The following GRSF1 variants were observed in gnomAD, a reference collection of about 807,000 sequenced individuals.
GRSF1 encodes the protein G-rich sequence factor 1.
In GRSF1, 50 loss-of-function variants were observed where a neutral mutation model predicts 51.1. That is an observed-to-expected ratio of 0.98 (90% CI 0.78 to 1.24). The LOEUF (loss-of-function observed/expected upper bound fraction) is 1.24, where lower values mean the gene tolerates loss of function less well. Among genes scored for constraint, GRSF1 ranks in the 50% most tolerant of loss-of-function variants. GRSF1 has a pLI of 0.00. For synonymous variants in GRSF1, 293 were observed against 253.3 expected (o/e 1.16, Z -1.49); for missense variants, 700 against 639.7 (o/e 1.09, Z -1.02).
chr4:70,830,661 A>C (rs982647528), intron 5 of GRSF1, among the ~76,000 whole-genome samples: 4 of 151,970 alleles, frequency 2.6e-5, no homozygotes, highest in African/African-American at 9.7e-5. Context: ...TCTACTAAAA[A>C]TACAAAACTT....
intron 3 of GRSF1, 38 bp downstream of exon 3, chr4:70,833,080 G>A: frequency 6.3e-7 from 1 of 1,585,370 alleles, no homozygotes; most frequent in South Asian, 1.1e-5. Flanking sequence ...AAAACCTAAT[G>A]CAATGATCCC....
At chr4:70,837,356 A>C (rs1017918429) in intron 1 of GRSF1, among the ~76,000 whole-genome samples, 1 of 151,992 alleles carries the variant, frequency 6.6e-6, no homozygotes, top group Non-Finnish European at 1.5e-5. Context: ...CGAGGTCAGG[A>C]GTTCAAGACC....
In GRSF1 at chr4:70,828,032, T is replaced by C. The variant is rs1733804783; in HGVS notation, c.955A>G (p.Ile319Val). The change falls in exon 6 of 10, where the codon ATC becomes GTC. Residue 319 changes from isoleucine to valine, a missense_variant. By Grantham distance (29) the Ile-to-Val change is conservative (BLOSUM62 3). Transcript: ENST00000254799. ...TTCCTTCTGCTTGGAAATATCTCGA[T>C]GTATCTATGTCAAAGCAAAAGTAAA... ...KHREEIGNRYIEIFPSRRNEV... is the reference protein window; with the variant it reads ...KHREEIGNRYVEIFPSRRNEV... 1.9e-6 allele frequency: 3 copies of C among 1,612,398 alleles called. No homozygotes were observed. The highest frequency in any genetic ancestry group is 1.7e-4 in the Middle Eastern group (1 of 6,046).
rs2148844339 is a variant in GRSF1, at chr4:70,833,195, A to G, written c.593T>C (p.Ile198Thr). 1.2e-6 allele frequency: 2 copies of G among 1,613,886 alleles called. No individual in the cohort carries two copies. The highest frequency in any genetic ancestry group is 8.5e-7 in the Non-Finnish European group (1 of 1,179,792). Reference protein sequence around the residue: ...RDGKRRGDALIEMESEQDVQK... With the variant: ...RDGKRRGDALTEMESEQDVQK... Reference sequence around the variant, plus strand: ...CACATCCTGCTCTGACTCCATTTCAATTAAGGCATCACCCCTTCGTTTCCC... The same window carrying G: ...CACATCCTGCTCTGACTCCATTTCAGTTAAGGCATCACCCCTTCGTTTCCC... The change falls in exon 3 of 10, where the codon ATT (isoleucine) becomes ACT (threonine). Residue 198 changes from isoleucine (I) to threonine (T), a missense_variant. By Grantham distance (89) the Ile-to-Thr change is moderately conservative (BLOSUM62 -1). Coordinates refer to ENST00000254799, the MANE Select transcript of GRSF1 (RefSeq NM_002092.4).
intron 5 of GRSF1, among the ~76,000 whole-genome samples, chr4:70,829,400 A>G (rs1048158980): frequency 1.1e-4 from 16 of 151,838 alleles, no homozygotes; most frequent in Non-Finnish European, 1.5e-5. Flanking sequence ...TCACACCTAT[A>G]ATCCCAGTAC....
In GRSF1 at chr4:70,825,568, G is replaced by T. The variant is rs183345000; in HGVS notation, c.1258-137C>A. On this transcript the variant is annotated intron_variant, in intron 7 of 9. Coordinates refer to ENST00000254799, the MANE Select transcript of GRSF1 (RefSeq NM_002092.4). ...TCTTTTTAGGAAATCTTTTTAAGCA[G>T]TAATATATTTATATATCTAGTATGT... The T allele has an allele frequency of 1.4e-5, 8 of 562,822 alleles. No individual in the cohort carries two copies. The East Asian group carries it at 2.3e-4, about 16-fold the overall frequency. The allele number at this position is 562,822 out of a possible 1,614,324, so 34.9% of individuals were successfully genotyped here.
At chr4:70,836,804 G>A (rs1203471661) in intron 1 of GRSF1, among the ~76,000 whole-genome samples, 3 of 152,184 alleles carry the variant, frequency 2.0e-5, no homozygotes, top group African/African-American at 4.8e-5. Flanking sequence ...GGGCCTTGAA[G>A]GAAGGATAGA....
Position 70,825,395 on chromosome 4 carries a change from C to A in GRSF1, c.1294G>T (p.Glu432Ter). The change falls in exon 8 of 10, where the codon GAA (glutamate) becomes TAA (stop). Residue 432 changes from glutamate to a stop codon, truncating the protein, a stop_gained. Coordinates refer to ENST00000254799, the MANE Select transcript of GRSF1 (RefSeq NM_002092.4). LOFTEE classifies it high-confidence loss of function. Reference protein sequence around the residue: ...APLKPVRITMEYSSSGKATGE... With the variant: ...APLKPVRITM ...GTGGCCTTCCCACTGGAGCTGTATTCCATGGTGATTCTAACAGGCTTGAGT... is the reference window on the plus strand; with the variant it reads ...GTGGCCTTCCCACTGGAGCTGTATTACATGGTGATTCTAACAGGCTTGAGT... The A allele has an allele frequency of 6.2e-7, 1 of 1,611,660 alleles. No individual in the cohort carries two copies. The highest frequency in any genetic ancestry group is 8.5e-7 in the Non-Finnish European group (1 of 1,178,500).
chr4:70,831,764 CT>C, intron 4 of GRSF1, 90 bp from the exon 5 acceptor site: 1 of 1,225,626 alleles, frequency 8.2e-7, no homozygotes, highest in Non-Finnish European at 1.1e-6. Context: ...AATTTTTATT[CT>C]GTTTTGCCAG....
chr4:70,822,564 A>G (rs1733560641), intron 9 of GRSF1, among the ~76,000 whole-genome samples: 1 of 149,226 alleles, frequency 6.7e-6, no homozygotes, highest in African/African-American at 2.5e-5. Context: ...CCCTGGGCAA[A>G]AAGAGTGAGA....
chr4:70,826,170 T>G lies in GRSF1; in HGVS notation c.1211A>C (p.His404Pro). 1 of 1,611,752 alleles carries G rather than the reference T, an allele frequency of 6.2e-7. No homozygotes were observed. The highest frequency in any genetic ancestry group is 8.5e-7 in the Non-Finnish European group (1 of 1,178,428). Reference sequence around the variant, plus strand: ...GGCTTGGAAAGGTAATCCTCTCATGTGGACAAAATGCAGAGAAGACGTAGT... The same window carrying G: ...GGCTTGGAAAGGTAATCCTCTCATGGGGACAAAATGCAGAGAAGACGTAGT... ...FGTTSSLHFV[H>P]MRGLPFQANA... Residue 404 changes from histidine (H) to proline (P), a missense_variant, in exon 7 of 10, where the codon CAC (histidine) becomes CCC (proline). His to Pro is a moderately conservative substitution (Grantham distance 77). Coordinates refer to ENST00000254799, the MANE Select transcript of GRSF1 (RefSeq NM_002092.4).
intron 9 of GRSF1, among the ~76,000 whole-genome samples, chr4:70,822,305 G>A (rs1046343473): frequency 6.6e-6 from 1 of 152,074 alleles, no homozygotes; most frequent in Non-Finnish European, 1.5e-5. Context: ...GAAAATGGCT[G>A]GGCGTGGTGG....
At chr4:70,827,224 C>A (rs951186589) in intron 6 of GRSF1, among the ~76,000 whole-genome samples, 31 of 151,338 alleles carry the variant, frequency 2.0e-4, no homozygotes, top group South Asian at 8.4e-4. Flanking sequence ...GGAGGCGGAA[C>A]CTGCAGTGAG....
rs1203924236 is a variant in GRSF1, at chr4:70,816,395, C to T, written c.*4492G>A. 1 of 147,418 alleles carries T rather than the reference C, an allele frequency of 6.8e-6. No homozygotes were observed. The highest frequency in any genetic ancestry group is 2.0e-4 in the East Asian group (1 of 4,954). 9.1% of individuals were successfully genotyped at this position (147,418 alleles called of 1,614,324 possible). A position where few individuals can be genotyped will look rare whatever the true frequency, so the allele number is the denominator to read the frequency against. On this transcript the variant is annotated 3_prime_UTR_variant, in exon 10 of 10. Coordinates refer to ENST00000254799, the MANE Select transcript of GRSF1 (RefSeq NM_002092.4). ...AAACCTCATCAAATGATACACTTAA[C>T]ATTTATTCACCTTACTGCAAATCTC...
chr4:70,838,497 T>C (rs1001538830), intron 1 of GRSF1, among the ~76,000 whole-genome samples: 5 of 152,308 alleles, frequency 3.3e-5, no homozygotes, highest in South Asian at 2.1e-4. Context: ...GCTCAGCCAC[T>C]GGCAGACAGC....
Position 70,839,551 on chromosome 4 carries a change from ACGCGGCGGCCGCGGC to A in GRSF1, c.262_276del (p.Ala88_Ala92del). On this transcript the variant is annotated inframe_deletion, in exon 1 of 10. Transcript: ENST00000254799. Reference sequence around the variant, plus strand: ...AGAGAGGCACGGAGGGCAGAGTAGGACGCGGCGGCCGCGGCCGCGGCAGAGGTGGCCACAGCGGGA... The same window carrying A: ...AGAGAGGCACGGAGGGCAGAGTAGGACGCGGCAGAGGTGGCCACAGCGGGA... 1 of 1,426,330 alleles carries A rather than the reference ACGCGGCGGCCGCGGC, an allele frequency of 7.0e-7. No individual in the cohort carries two copies. Among genetic ancestry groups the A allele is most frequent in the Non-Finnish European group, 9.1e-7 (1 of 1,092,996 alleles). The allele number at this position is 1,426,330 out of a possible 1,614,324, so 88.4% of individuals were successfully genotyped here.
rs1410384439 is a variant in GRSF1, at chr4:70,839,806, G to A, written c.22C>T (p.Leu8Phe). The change falls in exon 1 of 10, where the codon CTC becomes TTC. Residue 8 changes from leucine to phenylalanine, a missense_variant. Coordinates refer to ENST00000254799, the MANE Select transcript of GRSF1 (RefSeq NM_002092.4). The stretch of plus-strand genomic sequence containing the variant: ...CCGCAGCCCCGGAGCAGCGCCCCGA[G>A]TACCCAGCGCGTGCCGGCCATGGAC... Reference protein sequence around the residue: MAGTRWVLGALLRGCGCN... With the variant: MAGTRWVFGALLRGCGCN... 2 of 1,502,364 alleles carry A rather than the reference G, an allele frequency of 1.3e-6. No homozygotes were observed. The highest frequency in any genetic ancestry group is 1.2e-5 in the South Asian group (1 of 81,974). 93.1% of individuals were successfully genotyped at this position (1,502,364 alleles called of 1,614,324 possible).
intron 1 of GRSF1, among the ~76,000 whole-genome samples, chr4:70,836,575 G>A (rs1734220355): frequency 6.6e-6 from 1 of 152,096 alleles, no homozygotes. Flanking sequence ...CCAAATTATA[G>A]CTAACAATAG....
rs759431996 is a variant in GRSF1 at position 70,839,453 on chromosome 4, C to T, written c.357+18G>A. 6.8e-7 allele frequency: 1 copy of T among 1,467,092 alleles called. No individual in the cohort carries two copies. The highest frequency in any genetic ancestry group is 1.3e-5 in the South Asian group (1 of 76,228). The allele number at this position is 1,467,092 out of a possible 1,614,324, so 90.9% of individuals were successfully genotyped here. A position where few individuals can be genotyped will look rare whatever the true frequency, so the allele number is the denominator to read the frequency against. ...CCGGGAGGGATCTCGCGCCAGGTCC[C>T]TCACGGCGCCCACGTACCTGGCTGT... On this transcript the variant is annotated intron_variant, in intron 1 of 9. Coordinates refer to ENST00000254799, the MANE Select transcript of GRSF1 (RefSeq NM_002092.4).
Sources: allele counts gnomAD v4.1 joint callset (sites outside exome capture counted in the v4.1 genomes callset), GRCh38; gene constraint gnomAD v4.1.1; transcripts MANE v1.5; gene names NCBI Gene and HGNC (gene_info 2026-07-23, HGNC 2026-07-21).